The following COL23A1 variants were observed in gnomAD, a reference collection of about 807,000 sequenced individuals.
COL23A1 encodes collagen type XXIII alpha 1 chain.
COL23A1 carries 97 observed loss-of-function variants against 99.3 expected under a neutral mutation model. That is an observed-to-expected ratio of 0.98 (90% CI 0.83 to 1.16). The LOEUF (loss-of-function observed/expected upper bound fraction) is 1.16, where lower values mean the gene tolerates loss of function less well. Among genes scored for constraint, COL23A1 ranks in the 50% most tolerant of loss-of-function variants. The probability of loss-of-function intolerance (pLI) is 0.00; values close to 1 mark genes in which losing one functional copy is unlikely to be tolerated. For missense variants in COL23A1, 762 were observed against 757.4 expected (o/e 1.01, Z -0.07); for synonymous variants, 320 against 308.2 (o/e 1.04, Z -0.40).
intron 1 of COL23A1, among the ~76,000 whole-genome samples, chr5:178,585,605 TCC>T (rs1194252427): frequency 0.079 from 96 of 1,216 alleles, 6 homozygotes; most frequent in African/African-American, 0.23. Flanking sequence ...GGGGTAACAC[TCC>T]ACAGCCCTGG....
At chr5:178,437,237 G>A (rs916013608) in intron 2 of COL23A1, among the ~76,000 whole-genome samples, 2 of 152,152 alleles carry the variant, frequency 1.3e-5, no homozygotes, top group African/African-American at 4.8e-5. Context: ...ACAGCCCACA[G>A]GGGTCCTGGG....
Position 178,308,453 on chromosome 5 carries a change from C to T in COL23A1, c.362-1534G>A, listed in dbSNP as rs538034197. On this transcript the variant is annotated intron_variant, in intron 2 of 28. Transcript: ENST00000390654. The surrounding 1 kb of genome is among the most constrained non-coding windows in gnomAD (Gnocchi z 5.1). Reference sequence around the variant, plus strand: ...CCTTGGTTTTCTCCCATCCTGGACACAGACCCTGAATTTGGGGTTTATGCT... The same window carrying T: ...CCTTGGTTTTCTCCCATCCTGGACATAGACCCTGAATTTGGGGTTTATGCT... Among the ~76,000 whole-genome samples the T allele has an allele frequency of 6.6e-6, 1 of 152,318 alleles. No individual in the cohort carries two copies. The highest frequency in any genetic ancestry group is 1.9e-4 in the East Asian group (1 of 5,190).
intron 2 of COL23A1, among the ~76,000 whole-genome samples, chr5:178,485,355 G>T (rs1757564426): frequency 6.6e-6 from 1 of 151,812 alleles, no homozygotes; most frequent in Non-Finnish European, 1.5e-5. Flanking sequence ...TGTGCCTGTA[G>T]TCCCAGCTAC....
rs988522913 is a variant in COL23A1, at chr5:178,375,839, C to T, written c.362-68920G>A. On this transcript the variant is annotated intron_variant, in intron 2 of 28. Coordinates refer to ENST00000390654, the MANE Select transcript of COL23A1 (RefSeq NM_173465.4). ...TCTTCTGCCTCAGTCTCCCGAGTAG[C>T]TGGGATTATAGGCGCCTGCCACCAT... 8.5e-5 allele frequency among the ~76,000 whole-genome samples: 13 copies of T among 152,336 alleles called. 1 individual carries two copies. The highest frequency in any genetic ancestry group is 6.2e-4 in the South Asian group (3 of 4,824).
At chr5:178,247,685 T>C (rs10036819) in intron 21 of COL23A1, 90 bp downstream of exon 21, 88,144 of 1,545,268 alleles carry the variant, frequency 0.057, 2,915 homozygotes, top group African/African-American at 0.12. Flanking sequence ...AAGCCCGCTC[T>C]CTCCTGGGTC....
At chr5:178,586,945 C>G (rs751097912) in intron 1 of COL23A1, among the ~76,000 whole-genome samples, 3 of 152,198 alleles carry the variant, frequency 2.0e-5, no homozygotes, top group African/African-American at 7.2e-5. Flanking sequence ...CTGGGCTTTT[C>G]TTGTTTTCAA....
chr5:178,271,380 CG>C (rs1561812003), intron 5 of COL23A1, among the ~76,000 whole-genome samples: 2 of 152,204 alleles, frequency 1.3e-5, no homozygotes, highest in Non-Finnish European at 2.9e-5. Context: ...GTCCACCTGC[CG>C]GGCACATCCT....
chr5:178,273,354 TG>T (rs912414376), intron 5 of COL23A1, among the ~76,000 whole-genome samples: 1 of 152,226 alleles, frequency 6.6e-6, no homozygotes, highest in Non-Finnish European at 1.5e-5. Flanking sequence ...GGACTGTTCC[TG>T]GGGGGTCACT....
In COL23A1 at chr5:178,545,040, G is replaced by A. The variant is rs540739891; in HGVS notation, c.361+15642C>T. Among the ~76,000 whole-genome samples, 34 of 152,254 alleles carry A rather than the reference G, an allele frequency of 2.2e-4. 1 individual carries two copies. Among genetic ancestry groups the A allele is most frequent in the Admixed American group, 2.0e-3 (31 of 15,296 alleles). ...GGAATTCAAGGCTGCAGTGAGCCGT[G>A]ATCATTGCACTCCAGCCTGGGCAAC... On this transcript the variant is annotated intron_variant, in intron 2 of 28. Coordinates refer to ENST00000390654, the MANE Select transcript of COL23A1 (RefSeq NM_173465.4).
At chr5:178,391,991 T>C (rs1763988926) in intron 2 of COL23A1, among the ~76,000 whole-genome samples, 1 of 152,224 alleles carries the variant, frequency 6.6e-6, no homozygotes, top group Non-Finnish European at 1.5e-5. Flanking sequence ...TCACGTATTA[T>C]ATGATCCTAT....
At chr5:178,571,924 T>C (rs1179937804) in intron 1 of COL23A1, among the ~76,000 whole-genome samples, 10 of 151,786 alleles carry the variant, frequency 6.6e-5, no homozygotes, top group South Asian at 2.1e-4. Context: ...AAAAACTAGC[T>C]GGGTGTGGTG....
At chr5:178,554,104 C>A (rs1481374646) in intron 2 of COL23A1, among the ~76,000 whole-genome samples, 1 of 152,038 alleles carries the variant, frequency 6.6e-6, no homozygotes, top group Non-Finnish European at 1.5e-5. Flanking sequence ...AATCGGGCCA[C>A]GCAGCCTAGA....
chr5:178,508,365 T>C (rs1758995772), intron 2 of COL23A1, among the ~76,000 whole-genome samples: 1 of 152,224 alleles, frequency 6.6e-6, no homozygotes, highest in African/African-American at 2.4e-5. Context: ...GTGTGTGCTG[T>C]TTTTCTTTTA....
Position 178,256,412 on chromosome 5 carries a change from A to C in COL23A1, c.838-15T>G. On this transcript the variant is annotated splice_polypyrimidine_tract_variant and intron_variant, in intron 14 of 28. Transcript: ENST00000390654. Reference sequence around the variant, plus strand: ...CCAGGCTCCCCCTGTGGAGACATGCATTTGCAGCCAGAGGTGCAGCTGTGA... The same window carrying C: ...CCAGGCTCCCCCTGTGGAGACATGCCTTTGCAGCCAGAGGTGCAGCTGTGA... The C allele has an allele frequency of 6.2e-7, 1 of 1,602,666 alleles. No homozygotes were observed. The highest frequency in any genetic ancestry group is 8.5e-7 in the Non-Finnish European group (1 of 1,173,722).
Position 178,359,261 on chromosome 5 carries a change from C to T in COL23A1, c.362-52342G>A, listed in dbSNP as rs201799371. ...GAAGGGGGCTGGGTGCAGTGGCTCA[C>T]GCCTGTAATCCCAGCACTTTGGGAG... On this transcript the variant is annotated intron_variant, in intron 2 of 28. Coordinates refer to ENST00000390654, the MANE Select transcript of COL23A1 (RefSeq NM_173465.4). Among the ~76,000 whole-genome samples, 9 of 152,232 alleles carry T rather than the reference C, an allele frequency of 5.9e-5. No homozygotes were observed. In the East Asian group the frequency reaches 9.6e-4, roughly 16 times the overall value.
chr5:178,539,562 A>AG (rs1212082453), intron 2 of COL23A1, among the ~76,000 whole-genome samples: 12 of 150,768 alleles, frequency 8.0e-5, no homozygotes, highest in African/African-American at 2.7e-4. Context: ...AAAAAAAAAA[A>AG]AAAAAAGAAA....
intron 18 of COL23A1, 139 bp from the exon 19 acceptor site, chr5:178,249,345 G>A: frequency 2.5e-6 from 2 of 815,654 alleles, no homozygotes; most frequent in Non-Finnish European, 4.1e-6. Context: ...CAGTGGCTGG[G>A]AGCCTCACCC....
In COL23A1 at chr5:178,590,287, C is replaced by G; in HGVS notation, c.-90G>C. 3 of 1,113,476 alleles carry G rather than the reference C, an allele frequency of 2.7e-6. No homozygotes were observed. The highest frequency in any genetic ancestry group is 3.3e-6 in the Non-Finnish European group (3 of 900,416). 69.0% of individuals were successfully genotyped at this position (1,113,476 alleles called of 1,614,324 possible). On this transcript the variant is annotated 5_prime_UTR_variant, in exon 1 of 29. Transcript: ENST00000390654. The surrounding 1 kb of genome is among the most constrained non-coding windows in gnomAD (Gnocchi z 5.7). ...GAGGAGCAGGCGGGACAGCCCGAGG[C>G]ACGAGGTCCGCCGGGCGCGGGGGTT...
Position 178,237,932 on chromosome 5 carries a change from C to T in COL23A1, c.*766G>A, listed in dbSNP as rs1764199504. ...GGTCCAGGCCATGTCCTATCTTGTC[C>T]CTCTCTGGGTGATAATGGAAACAGA... On this transcript the variant is annotated 3_prime_UTR_variant, in exon 29 of 29. Coordinates refer to ENST00000390654, the MANE Select transcript of COL23A1 (RefSeq NM_173465.4). The T allele has an allele frequency of 6.6e-6, 1 of 152,612 alleles. No individual in the cohort carries two copies. The highest frequency in any genetic ancestry group is 1.5e-5 in the Non-Finnish European group (1 of 68,158). 9.5% of individuals were successfully genotyped at this position (152,612 alleles called of 1,614,324 possible). A position where few individuals can be genotyped will look rare whatever the true frequency, so the allele number is the denominator to read the frequency against.
Sources: gnomAD v4.1 joint callset for allele counts (sites outside exome capture counted in the v4.1 genomes callset) on GRCh38, gnomAD v4.1.1 for gene constraint, Gnocchi (gnomAD v3.1) non-coding constraint, MANE v1.5 for transcripts, NCBI Gene and HGNC (gene_info 2026-07-23, HGNC 2026-07-21) for gene names.